SP1: variants seen among roughly 807,000 people sequenced by gnomAD.
SP1 encodes the protein Sp1 transcription factor.
SP1 carries 6 observed loss-of-function variants against 66.3 expected under a neutral mutation model. The observed-to-expected ratio is 0.09, with a 90% confidence interval of 0.05 to 0.18. SP1 has a LOEUF of 0.18. Ranked by LOEUF, SP1 falls within the 10% of genes least tolerant of loss-of-function variation. SP1 has a pLI of 1.00. For missense variants in SP1, 848 were observed against 964.5 expected, an observed-to-expected ratio of 0.88 and a Z score of 1.60; for synonymous variants, 417 against 360.8, an observed-to-expected ratio of 1.16 and a Z score of -1.77.
In SP1 at chr12:53,383,168, A is replaced by G. The variant is rs760811319; in HGVS notation, c.1221A>G (p.Gln407=). ...QQILIQPQLV[Q]GGQALQALQA... ...TTCTTATCCAGCCTCAGCTAGTTCA[A>G]GGGGGACAGGCCCTCCAGGCCCTCC... Residue 407 remains glutamine (Q), a synonymous_variant, in exon 3 of 6, where the codon CAA becomes CAG. Coordinates refer to ENST00000327443, the MANE Select transcript of SP1 (RefSeq NM_138473.3). 3.2e-5 allele frequency: 52 copies of G among 1,614,070 alleles called. No homozygotes were observed. The Admixed American group carries it at 8.3e-4, about 26-fold the overall frequency.
Position 53,411,654 on chromosome 12 carries a change from T to TATATA in SP1, c.*414_*415insATATA, listed in dbSNP as rs1555199301. 7.0e-6 allele frequency: 1 copy of TATATA among 142,108 alleles called. No homozygotes were observed. Among genetic ancestry groups the TATATA allele is most frequent in the Admixed American group, 7.1e-5 (1 of 14,012 alleles). The allele number at this position is 142,108 out of a possible 1,614,324, so 8.8% of individuals were successfully genotyped here. A position where few individuals can be genotyped will look rare whatever the true frequency, so the allele number is the denominator to read the frequency against. On this transcript the variant is annotated 3_prime_UTR_variant, in exon 6 of 6. Coordinates refer to ENST00000327443, the MANE Select transcript of SP1 (RefSeq NM_138473.3). ...TTAACAAAAAACAGATTCTATATTA[T>TATATA]TATATATATATATATATATATAAAG...
rs1189453309 is a variant in SP1 at position 53,411,424 on chromosome 12, G to T, written c.*184G>T. On this transcript the variant is annotated 3_prime_UTR_variant, in exon 6 of 6. Transcript: ENST00000327443. ...CCCGGCACCCATCTGTATCATCAGT[G>T]CCTCTTTGAAGGTGGGAAACATTAG... 1 of 526,820 alleles carries T rather than the reference G, an allele frequency of 1.9e-6. No individual in the cohort carries two copies. The highest frequency in any genetic ancestry group is 3.3e-6 in the Non-Finnish European group (1 of 302,004). 32.6% of individuals were successfully genotyped at this position (526,820 alleles called of 1,614,324 possible). A position where few individuals can be genotyped will look rare whatever the true frequency, so the allele number is the denominator to read the frequency against.
chr12:53,399,343 T>G (rs11170536), intron 3 of SP1, among the ~76,000 whole-genome samples: 14 of 127,346 alleles, frequency 1.1e-4, no homozygotes, highest in African/African-American at 7.1e-4. Flanking sequence ...TTTGTTTTTG[T>G]TTTTTTTTGA....
intron 3 of SP1, among the ~76,000 whole-genome samples, chr12:53,396,326 T>C (rs1370155539): frequency 6.7e-6 from 1 of 149,442 alleles, no homozygotes; most frequent in Non-Finnish European, 1.5e-5. Context: ...TCCCAGCACT[T>C]TGGGAGGCCG....
At chr12:53,407,686 G>GAGTGC (rs1335892294) in intron 4 of SP1, among the ~76,000 whole-genome samples, 7 of 151,586 alleles carry the variant, frequency 4.6e-5, no homozygotes, top group Admixed American at 2.0e-4. Flanking sequence ...GCCCAGGCTG[G>GAGTGC]AGTGCAGTGG....
Position 53,382,881 on chromosome 12 carries a change from T to C in SP1, c.934T>C (p.Ser312Pro). 6.2e-7 allele frequency: 1 copy of C among 1,614,164 alleles called. No individual in the cohort carries two copies. Among genetic ancestry groups the C allele is most frequent in the Non-Finnish European group, 8.5e-7 (1 of 1,180,042 alleles). ...TACCATCAGTTCTGCCAGCTTGGTA[T>C]CATCACAAGCCAGTTCCAGCTCCTT... ...GTTISSASLV[S>P]SQASSSSFFT... The change falls in exon 3 of 6, where the codon TCA (serine) becomes CCA (proline). Residue 312 changes from serine to proline, a missense_variant. Around this residue, in one of 7 missense-constraint regions of SP1, gnomAD observed 606 missense variants for 589.9 expected, o/e 1.03. Coordinates refer to ENST00000327443, the MANE Select transcript of SP1 (RefSeq NM_138473.3).
Position 53,415,421 on chromosome 12 carries a change from A to AG in SP1, c.*4187dup, listed in dbSNP as rs887095405. ...GATCCAAGGCAGGGAAAGGAAAAGA[A>AG]GGGGGGTCTCTGGCTTTATTACTCC... On this transcript the variant is annotated 3_prime_UTR_variant, in exon 6 of 6. Coordinates refer to ENST00000327443, the MANE Select transcript of SP1 (RefSeq NM_138473.3). 3.3e-5 allele frequency: 5 copies of AG among 152,392 alleles called. No homozygotes were observed. The highest frequency in any genetic ancestry group is 4.8e-5 in the African/African-American group (2 of 41,394). The allele number at this position is 152,392 out of a possible 1,614,324, so 9.4% of individuals were successfully genotyped here. A position where few individuals can be genotyped will look rare whatever the true frequency, so the allele number is the denominator to read the frequency against.
chr12:53,394,145 G>T lies in SP1; in HGVS notation c.1675+10523G>T, dbSNP rs1187981020. 4.6e-5 allele frequency among the ~76,000 whole-genome samples: 7 copies of T among 151,916 alleles called. 1 individual carries two copies. The highest frequency in any genetic ancestry group is 1.3e-4 in the Admixed American group (2 of 15,248). Reference sequence around the variant, plus strand: ...CAGGAGAATCATTTGAACCCGGGAGGTGGAGGTTGCAGTGAGCCAAGATTG... The same window carrying T: ...CAGGAGAATCATTTGAACCCGGGAGTTGGAGGTTGCAGTGAGCCAAGATTG... On this transcript the variant is annotated intron_variant, in intron 3 of 5. Coordinates refer to ENST00000327443, the MANE Select transcript of SP1 (RefSeq NM_138473.3).
Position 53,382,499 on chromosome 12 carries a change from G to A in SP1, c.552G>A (p.Gly184=), listed in dbSNP as rs1938127768. The A allele has an allele frequency of 3.1e-6, 5 of 1,614,134 alleles. No homozygotes were observed. The Middle Eastern group carries it at 5.0e-4, about 160-fold the overall frequency. Residue 184 remains glycine (G), a synonymous_variant, in exon 3 of 6, where the codon GGG becomes GGA. Coordinates refer to ENST00000327443, the MANE Select transcript of SP1 (RefSeq NM_138473.3). ...TCCCACAGTTCCAGACCGTTGATGG[G>A]CAACAGCTGCAGTTTGCTGCCACTG... The part of the protein sequence containing the change: ...QVIPQFQTVD[G]QQLQFAATGA...
intron 3 of SP1, among the ~76,000 whole-genome samples, chr12:53,398,112 AAGT>A (rs1018039286): frequency 5.3e-5 from 8 of 152,174 alleles, no homozygotes; most frequent in African/African-American, 1.9e-4. Context: ...CTGCTTATAG[AAGT>A]AGGATGATTA....
intron 3 of SP1, among the ~76,000 whole-genome samples, chr12:53,404,657 A>G (rs1340698651): frequency 6.6e-6 from 1 of 152,070 alleles, no homozygotes; most frequent in South Asian, 2.1e-4. Context: ...GCATTTTAGC[A>G]TACACTGTTT....
At chr12:53,388,997 T>C (rs1292437943) in intron 3 of SP1, among the ~76,000 whole-genome samples, 1 of 141,676 alleles carries the variant, frequency 7.1e-6, no homozygotes, top group Admixed American at 7.2e-5. Flanking sequence ...AAGTATCTAA[T>C]TTTACCCCCT....
At chr12:53,405,849 T>G (rs1388248803) in intron 3 of SP1, among the ~76,000 whole-genome samples, 1 of 151,958 alleles carries the variant, frequency 6.6e-6, no homozygotes, top group Non-Finnish European at 1.5e-5. Flanking sequence ...GAGTTGCATT[T>G]TAAAAACTAT....
intron 3 of SP1, among the ~76,000 whole-genome samples, chr12:53,404,574 CTT>C (rs1938687408): frequency 6.6e-6 from 1 of 151,660 alleles, no homozygotes; most frequent in Non-Finnish European, 1.5e-5. Flanking sequence ...TTATCTGTCA[CTT>C]TTTACCAGTG....
intron 1 of SP1, among the ~76,000 whole-genome samples, 164 bp downstream of exon 1, chr12:53,380,462 G>T (rs1938058231): frequency 6.6e-6 from 1 of 151,418 alleles, no homozygotes; most frequent in Non-Finnish European, 1.5e-5. Flanking sequence ...AGACGGGGCA[G>T]TGGCGGGGCC....
In SP1 at chr12:53,389,326, A is replaced by G. The variant is rs563447903; in HGVS notation, c.1675+5704A>G. Reference sequence around the variant, plus strand: ...AACCTTTGCCTCCTGGGTTCAAGCAATTCTCCTGCCTCAGCCTCCCGAGTA... The same window carrying G: ...AACCTTTGCCTCCTGGGTTCAAGCAGTTCTCCTGCCTCAGCCTCCCGAGTA... On this transcript the variant is annotated intron_variant, in intron 3 of 5. Coordinates refer to ENST00000327443, the MANE Select transcript of SP1 (RefSeq NM_138473.3). Among the ~76,000 whole-genome samples, 17 of 150,132 alleles carry G rather than the reference A, an allele frequency of 1.1e-4. No individual in the cohort carries two copies. The East Asian group carries it at 1.8e-3, about 16-fold the overall frequency.
In SP1 at chr12:53,411,180, C is replaced by G; in HGVS notation, c.2298C>G (p.Gly766=). ...PEGIARLANS[G]INVMQVADLQ... ...GCATTGCCCGTCTTGCCAACAGTGG[C>G]ATCAACGTCATGCAGGTGGCAGATC... is the stretch of plus-strand genomic sequence containing the variant. Residue 766 remains glycine, a synonymous_variant, in exon 6 of 6, where the codon GGC becomes GGG. Coordinates refer to ENST00000327443, the MANE Select transcript of SP1 (RefSeq NM_138473.3). 6.2e-7 allele frequency: 1 copy of G among 1,613,950 alleles called. No individual in the cohort carries two copies. The highest frequency in any genetic ancestry group is 2.2e-5 in the East Asian group (1 of 44,890).
chr12:53,408,260 G>A (rs1215213323), intron 4 of SP1, among the ~76,000 whole-genome samples: 14 of 112,706 alleles, frequency 1.2e-4, no homozygotes, highest in East Asian at 3.5e-4. Flanking sequence ...AAAAAAAAAA[G>A]AGCTTCGCTC....
chr12:53,390,475 G>A (rs2136898287), intron 3 of SP1, among the ~76,000 whole-genome samples: 1 of 152,276 alleles, frequency 6.6e-6, no homozygotes, highest in South Asian at 2.1e-4. Flanking sequence ...CTGAGCTCAG[G>A]AGTTCGTGAC....
Sources: gnomAD v4.1 joint callset for allele counts (sites outside exome capture counted in the v4.1 genomes callset) on GRCh38, gnomAD v4.1.1 for gene constraint, gnomAD v4.1.1 regional missense constraint, MANE v1.5 for transcripts, NCBI Gene and HGNC (gene_info 2026-07-23, HGNC 2026-07-21) for gene names.